PPARGC1A: variants seen among roughly 807,000 people sequenced by gnomAD.
PPARGC1A encodes peroxisome proliferator-activated receptor gamma coactivator 1-alpha.
In PPARGC1A, 25 loss-of-function variants were observed where a neutral mutation model predicts 88.7. That is an observed-to-expected ratio of 0.28 (90% CI 0.21 to 0.39). PPARGC1A has a LOEUF of 0.39. Ranked by LOEUF, PPARGC1A falls within the 10% of genes least tolerant of loss-of-function variation. The pLI is 1.00. For missense variants in PPARGC1A, 880 were observed against 968.7 expected (o/e 0.91, Z 1.22); for synonymous variants, 363 against 355.6 (o/e 1.02, Z -0.24).
At chr4:24,237,672 T>G in the PPARGC1A span, among the ~76,000 whole-genome samples, 1 of 152,228 alleles carries the variant, frequency 6.6e-6, no homozygotes, top group East Asian at 1.9e-4. Flanking sequence ...CCACTTCATG[T>G]TACTATTTTC....
At chr4:23,851,406 C>CA (rs1729271014) in intron 2 of PPARGC1A, among the ~76,000 whole-genome samples, 1 of 152,018 alleles carries the variant, frequency 6.6e-6, no homozygotes, top group Non-Finnish European at 1.5e-5. Context: ...GACCCAATAT[C>CA]AAAAATTTAT....
intron 2 of PPARGC1A, among the ~76,000 whole-genome samples, chr4:23,861,571 G>A (rs1199939501): frequency 2.6e-5 from 4 of 152,150 alleles, no homozygotes; most frequent in Non-Finnish European, 5.9e-5. Context: ...GTAGGTGAGA[G>A]AATACCATGC....
chr4:24,126,262 TCTC>T, the PPARGC1A span, among the ~76,000 whole-genome samples: 1 of 105,430 alleles, frequency 9.5e-6, no homozygotes, highest in Non-Finnish European at 2.0e-5. Context: ...GGCCCTGGCT[TCTC>T]ACCACACACA....
At chr4:23,922,747 G>T in the PPARGC1A span, among the ~76,000 whole-genome samples, 1 of 152,168 alleles carries the variant, frequency 6.6e-6, no homozygotes, top group South Asian at 2.1e-4. Flanking sequence ...CCGTGGCTAA[G>T]GAGGGATAAA....
At chr4:24,244,501 A>G in the PPARGC1A span, among the ~76,000 whole-genome samples, 2 of 152,280 alleles carry the variant, frequency 1.3e-5, no homozygotes, top group African/African-American at 4.8e-5. Flanking sequence ...CACACAGACA[A>G]TAAGTGTTGG....
At chr4:23,809,915 T>C (rs897900494) in intron 10 of PPARGC1A, among the ~76,000 whole-genome samples, 1 of 152,114 alleles carries the variant, frequency 6.6e-6, no homozygotes, top group African/African-American at 2.4e-5. Context: ...GCCCCCAATA[T>C]ACCACCCCAA....
At chr4:24,073,197 A>G in the PPARGC1A span, among the ~76,000 whole-genome samples, 1 of 152,028 alleles carries the variant, frequency 6.6e-6, no homozygotes, top group Non-Finnish European at 1.5e-5. Flanking sequence ...ACTTGCCACC[A>G]CACCCAACTA....
the PPARGC1A span, among the ~76,000 whole-genome samples, chr4:24,352,042 C>CA: frequency 2.6e-4 from 40 of 152,136 alleles, no homozygotes; most frequent in Non-Finnish European, 4.4e-4. Flanking sequence ...ATCAAGGAGG[C>CA]GCCAGGGGGA....
the PPARGC1A span, among the ~76,000 whole-genome samples, chr4:24,336,760 G>A: frequency 7.9e-5 from 12 of 151,538 alleles, no homozygotes; most frequent in East Asian, 1.9e-4. Context: ...CATTTTTTGC[G>A]TTATAAATAA....
chr4:24,308,330 A>G, the PPARGC1A span, among the ~76,000 whole-genome samples: 4 of 151,908 alleles, frequency 2.6e-5, no homozygotes, highest in Non-Finnish European at 2.9e-5. Context: ...AAGAAAAAAG[A>G]AAGAAAAGAA....
At chr4:23,871,227 G>T (rs888418274) in intron 2 of PPARGC1A, among the ~76,000 whole-genome samples, 1 of 150,032 alleles carries the variant, frequency 6.7e-6, no homozygotes, top group Non-Finnish European at 1.5e-5. Context: ...TTGCAAAGTG[G>T]TCCAGACTAG....
the PPARGC1A span, among the ~76,000 whole-genome samples, chr4:24,171,277 G>A: frequency 1.3e-5 from 2 of 151,962 alleles, no homozygotes; most frequent in East Asian, 3.9e-4. Context: ...ATGGTGGTGC[G>A]TACCTGTACT....
rs748372751 is a variant in PPARGC1A, at chr4:23,828,406, A to G, written c.751T>C (p.Leu251=). The change falls in exon 5 of 13, where the codon TTA becomes CTA. Residue 251 remains leucine, a synonymous_variant. Coordinates refer to ENST00000264867, the MANE Select transcript of PPARGC1A (RefSeq NM_013261.5). ...GTTTTGGTCCCCAGCCTACCTTGTA[A>G]GTGTTGTGACTGCGACTGTGTGTGG... The part of the protein sequence containing the change: ...KSHTQSQSQH[L]QAKPTTLSLP... 1.9e-6 allele frequency: 3 copies of G among 1,612,834 alleles called. No homozygotes were observed. Among genetic ancestry groups the G allele is most frequent in the Non-Finnish European group, 1.7e-6 (2 of 1,179,098 alleles).
chr4:24,263,090 T>A, the PPARGC1A span, among the ~76,000 whole-genome samples: 1 of 152,120 alleles, frequency 6.6e-6, no homozygotes, highest in Non-Finnish European at 1.5e-5. Context: ...AAAAGAGAAG[T>A]CATGGTAGAA....
At chr4:24,020,828 G>A in the PPARGC1A span, among the ~76,000 whole-genome samples, 4 of 152,162 alleles carry the variant, frequency 2.6e-5, no homozygotes, top group African/African-American at 7.2e-5. Context: ...CCCACGGTGA[G>A]CATCAGTACT....
At chr4:24,218,773 G>A in the PPARGC1A span, among the ~76,000 whole-genome samples, 2 of 152,210 alleles carry the variant, frequency 1.3e-5, no homozygotes, top group Non-Finnish European at 2.9e-5. Flanking sequence ...ACCCATTGTT[G>A]CTCAATGTGC....
At chr4:24,024,776 C>T in the PPARGC1A span, among the ~76,000 whole-genome samples, 3 of 152,182 alleles carry the variant, frequency 2.0e-5, no homozygotes, top group East Asian at 3.8e-4. Flanking sequence ...CACACAACAG[C>T]ACAATGCAAG....
intron 2 of PPARGC1A, 90 bp from the exon 3 acceptor site, chr4:23,831,841 C>A: frequency 1.9e-6 from 2 of 1,036,716 alleles, no homozygotes; most frequent in South Asian, 1.5e-5. Flanking sequence ...ATGAGTGAAC[C>A]ATACGTGAAA....
the PPARGC1A span, among the ~76,000 whole-genome samples, chr4:24,268,158 A>T: frequency 2.0e-5 from 3 of 152,200 alleles, no homozygotes; most frequent in Admixed American, 2.0e-4. Flanking sequence ...ATTTGTAATC[A>T]AGCATAATGA....
Sources: gnomAD v4.1 joint callset for allele counts (sites outside exome capture counted in the v4.1 genomes callset) on GRCh38, gnomAD v4.1.1 for gene constraint, MANE v1.5 for transcripts, NCBI Gene and HGNC (gene_info 2026-07-23, HGNC 2026-07-21) for gene names.